The following ASIC2 variants were observed in gnomAD, a reference collection of about 807,000 sequenced individuals.
The protein encoded by ASIC2 is acid-sensing ion channel 2.
ASIC2 carries 25 observed loss-of-function variants against 57.3 expected under a neutral mutation model. The observed-to-expected ratio is 0.44, with a 90% CI of 0.32 to 0.61. The LOEUF is 0.61. Among genes scored for constraint, ASIC2 ranks in the 20% least tolerant of loss-of-function variants. The probability of loss-of-function intolerance (pLI) is 0.06; values close to 1 mark genes in which losing one functional copy is unlikely to be tolerated. For missense variants in ASIC2, 641 were observed against 738.1 expected (o/e 0.87, Z 1.52); for synonymous variants, 319 against 307.5 (o/e 1.04, Z -0.39).
intron 1 of ASIC2, among the ~76,000 whole-genome samples, chr17:33,888,581 A>G (rs148053404): frequency 9.2e-5 from 14 of 152,290 alleles, no homozygotes; most frequent in African/African-American, 3.4e-4. Context: ...AGCGCTGTTG[A>G]AAATGTGATG....
At chr17:33,753,072 T>C (rs924028877) in intron 1 of ASIC2, among the ~76,000 whole-genome samples, 8 of 152,218 alleles carry the variant, frequency 5.3e-5, no homozygotes, top group Non-Finnish European at 1.0e-4. Flanking sequence ...TGTCCTTTAA[T>C]AGGTGGATGA....
At chr17:33,421,063 G>T (rs1037342083) in intron 1 of ASIC2, among the ~76,000 whole-genome samples, 4 of 152,100 alleles carry the variant, frequency 2.6e-5, no homozygotes, top group Non-Finnish European at 5.9e-5. Flanking sequence ...GTGTAGTTTT[G>T]GTAGAACAAA....
intron 1 of ASIC2, among the ~76,000 whole-genome samples, chr17:33,116,546 G>T (rs914413489): frequency 1.3e-5 from 2 of 152,184 alleles, no homozygotes; most frequent in African/African-American, 4.8e-5. Flanking sequence ...GGGTTGCTGA[G>T]AGTCTAGAAT....
intron 1 of ASIC2, among the ~76,000 whole-genome samples, chr17:33,736,236 T>C (rs1909907589): frequency 6.6e-6 from 1 of 151,976 alleles, no homozygotes; most frequent in Non-Finnish European, 1.5e-5. Flanking sequence ...GAAAAGATTA[T>C]GAAATAGGAA....
chr17:33,994,690 G>C (rs1906100004), intron 1 of ASIC2, among the ~76,000 whole-genome samples: 1 of 152,152 alleles, frequency 6.6e-6, no homozygotes, highest in African/African-American at 2.4e-5. Context: ...ATCAGTAGCT[G>C]ACCCTCAAGG....
At chr17:33,521,473 C>T (rs571300491) in intron 1 of ASIC2, among the ~76,000 whole-genome samples, 35 of 152,220 alleles carry the variant, frequency 2.3e-4, no homozygotes, top group African/African-American at 5.8e-4. Context: ...ATGCGGCCAA[C>T]GCCCCCGAAG....
chr17:33,296,951 T>G (rs1905743602), upstream of ASIC2, among the ~76,000 whole-genome samples: 1 of 152,218 alleles, frequency 6.6e-6, no homozygotes, highest in Non-Finnish European at 1.5e-5. Context: ...GTGTAATCAA[T>G]TCTATTCTGG....
chr17:33,151,233 G>T (rs1345262093), intron 1 of ASIC2, among the ~76,000 whole-genome samples: 1 of 151,088 alleles, frequency 6.6e-6, no homozygotes, highest in Non-Finnish European at 1.5e-5. Flanking sequence ...AATTAGCCAG[G>T]TTTGGTGGCC....
At chr17:33,019,795 GTCTC>G (rs10578415) in intron 7 of ASIC2, among the ~76,000 whole-genome samples, 90 of 148,254 alleles carry the variant, frequency 6.1e-4, no homozygotes, top group Admixed American at 6.7e-4. Flanking sequence ...TGCTCTGTAT[GTCTC>G]TCTCTCTCTC....
chr17:33,398,047 A>G (rs917762820), intron 1 of ASIC2, among the ~76,000 whole-genome samples: 3 of 152,158 alleles, frequency 2.0e-5, no homozygotes, highest in Non-Finnish European at 4.4e-5. Flanking sequence ...AACTACAGGG[A>G]GATGCCTCTG....
At chr17:34,114,680 CAGTG>C (rs1911376960) in intron 1 of ASIC2, among the ~76,000 whole-genome samples, 1 of 152,054 alleles carries the variant, frequency 6.6e-6, no homozygotes, top group Non-Finnish European at 1.5e-5. Flanking sequence ...GTGTTGAAAA[CAGTG>C]AGGGTTAAGT....
rs753451144 is a variant in ASIC2, at chr17:33,291,744, C to A, written c.372G>T (p.Trp124Cys). 3.1e-6 allele frequency: 5 copies of A among 1,613,332 alleles called. No individual in the cohort carries two copies. Among genetic ancestry groups the A allele is most frequent in the Non-Finnish European group, 4.2e-6 (5 of 1,179,856 alleles). ...CGGCGGGGAAGGGTAACTGGCGGCT[C>A]CACTCGCGGTGCACCCGCGTGTGTG... ...FPSHTRVHRE[W>C]SRQLPFPAVT... Residue 124 changes from tryptophan (W) to cysteine (C), a missense_variant, in exon 1 of 10, where the codon TGG (tryptophan) becomes TGT (cysteine). Around this residue, in one of 3 missense-constraint regions of ASIC2, gnomAD observed 382 missense variants for 398.0 expected, o/e 0.96. Transcript: ENST00000225823.
At chr17:33,027,374 T>G (rs115273743) in intron 4 of ASIC2, among the ~76,000 whole-genome samples, 1,970 of 152,266 alleles carry the variant, frequency 0.013, 43 homozygotes, top group African/African-American at 0.045. Context: ...TAAGTAAAAT[T>G]GAATAAAGTA....
intron 1 of ASIC2, among the ~76,000 whole-genome samples, chr17:34,099,022 T>C (rs1305915672): frequency 6.6e-6 from 1 of 151,012 alleles, no homozygotes; most frequent in Non-Finnish European, 1.5e-5. Context: ...TAGAGGACTC[T>C]GGAGGATGAG....
At chr17:33,396,904 A>G (rs182498152) in intron 1 of ASIC2, among the ~76,000 whole-genome samples, 80 of 152,298 alleles carry the variant, frequency 5.3e-4, no homozygotes, top group Non-Finnish European at 8.7e-4. Context: ...CTGAATAACT[A>G]GAAGTAGGGA....
At chr17:33,038,929 T>G (rs2091920129) in intron 3 of ASIC2, among the ~76,000 whole-genome samples, 1 of 152,182 alleles carries the variant, frequency 6.6e-6, no homozygotes, top group Non-Finnish European at 1.5e-5. Flanking sequence ...CCAGCCAATC[T>G]CCTAGGACCT....
intron 1 of ASIC2, among the ~76,000 whole-genome samples, chr17:33,605,833 T>G (rs1335039438): frequency 6.6e-6 from 1 of 152,140 alleles, no homozygotes; most frequent in Non-Finnish European, 1.5e-5. Flanking sequence ...TTGCCATGCA[T>G]TCATGCTCAT....
chr17:33,303,844 CACA>C (rs1468753395), intron 1 of ASIC2, among the ~76,000 whole-genome samples: 3 of 152,140 alleles, frequency 2.0e-5, no homozygotes, highest in Non-Finnish European at 2.9e-5. Flanking sequence ...GGCACTAAGA[CACA>C]ACATTAGATT....
At chr17:33,427,893 C>T (rs963057942) in intron 1 of ASIC2, among the ~76,000 whole-genome samples, 2 of 152,202 alleles carry the variant, frequency 1.3e-5, no homozygotes, top group African/African-American at 4.8e-5. Flanking sequence ...GGCCATAAAA[C>T]ACACCGTGGC....
Sources: allele counts gnomAD v4.1 joint callset (sites outside exome capture counted in the v4.1 genomes callset), GRCh38; gene constraint gnomAD v4.1.1; regional missense constraint gnomAD v4.1.1; transcripts MANE v1.5; gene names NCBI Gene and HGNC (gene_info 2026-07-23, HGNC 2026-07-21).